LRRC4C: variants seen among roughly 807,000 people sequenced by gnomAD.
The protein encoded by LRRC4C is leucine rich repeat containing 4C, also known as leucine-rich repeat-containing protein 4C.
A neutral mutation model predicts 33.6 loss-of-function variants in LRRC4C; 5 were observed. The observed-to-expected ratio is 0.15, with a 90% CI of 0.08 to 0.31. The LOEUF is 0.31. LRRC4C is among the 10% of genes least tolerant of loss of function. LRRC4C has a pLI of 1.00. For synonymous variants in LRRC4C, 329 were observed against 302.0 expected (o/e 1.09, Z -0.93); for missense variants, 560 against 796.7 (o/e 0.70, Z 3.58).
chr11:40,974,370 G>C (rs1203979130), intron 1 of LRRC4C, among the ~76,000 whole-genome samples: 1 of 152,116 alleles, frequency 6.6e-6, no homozygotes, highest in Admixed American at 6.6e-5. Flanking sequence ...TTTACTGGCT[G>C]ATGCACCTTA....
intron 5 of LRRC4C, among the ~76,000 whole-genome samples, chr11:40,193,783 A>G (rs1390715479): frequency 6.6e-6 from 1 of 152,154 alleles, no homozygotes; most frequent in Non-Finnish European, 1.5e-5. Flanking sequence ...GAGATGAAAA[A>G]CACAGCACGA....
intron 1 of LRRC4C, among the ~76,000 whole-genome samples, chr11:41,353,105 A>C (rs1399539640): frequency 2.6e-5 from 4 of 152,088 alleles, no homozygotes; most frequent in Non-Finnish European, 5.9e-5. Context: ...ACTTTGAAAG[A>C]ATAAATAAGA....
At chr11:41,071,837 G>A (rs1396810850) in intron 1 of LRRC4C, among the ~76,000 whole-genome samples, 1 of 152,186 alleles carries the variant, frequency 6.6e-6, no homozygotes, top group Admixed American at 6.5e-5. Flanking sequence ...CATGGAAGGT[G>A]TCAACATGGC....
At chr11:40,628,899 T>A (rs1405073077) in intron 3 of LRRC4C, among the ~76,000 whole-genome samples, 1 of 152,216 alleles carries the variant, frequency 6.6e-6, no homozygotes, top group African/African-American at 2.4e-5. Flanking sequence ...AATTTTCTTA[T>A]ATAATTATGC....
chr11:40,760,390 T>C (rs1949148839), intron 2 of LRRC4C, among the ~76,000 whole-genome samples: 1 of 144,742 alleles, frequency 6.9e-6, no homozygotes, highest in African/African-American at 2.6e-5. Flanking sequence ...AAGTTGAAAA[T>C]ATTTACTATT....
intron 2 of LRRC4C, among the ~76,000 whole-genome samples, chr11:40,814,751 C>A (rs2135414685): frequency 6.6e-6 from 1 of 151,984 alleles, no homozygotes; most frequent in East Asian, 1.9e-4. Flanking sequence ...TTACAAATCT[C>A]TAGGGCAGGG....
intron 1 of LRRC4C, among the ~76,000 whole-genome samples, chr11:41,145,819 A>G (rs1411202863): frequency 6.6e-6 from 1 of 152,164 alleles, no homozygotes; most frequent in Non-Finnish European, 1.5e-5. Context: ...AGAAAATTTC[A>G]GTGACCTAGA....
chr11:40,873,887 A>G (rs1305270614), intron 2 of LRRC4C, among the ~76,000 whole-genome samples: 2 of 152,210 alleles, frequency 1.3e-5, no homozygotes, highest in Non-Finnish European at 2.9e-5. Context: ...AAAAATCCAA[A>G]GCAATACATT....
At chr11:40,641,531 GC>G (rs1383344759) in intron 3 of LRRC4C, among the ~76,000 whole-genome samples, 1 of 152,112 alleles carries the variant, frequency 6.6e-6, no homozygotes, top group African/African-American at 2.4e-5. Flanking sequence ...CTATTAGGAA[GC>G]CCCCTAAGAA....
intron 1 of LRRC4C, among the ~76,000 whole-genome samples, chr11:41,143,220 A>G (rs1326190482): frequency 8.4e-6 from 1 of 119,346 alleles, no homozygotes; most frequent in Admixed American, 9.2e-5. Context: ...GATAAAAGTG[A>G]AGCAAAACTC....
In LRRC4C at chr11:40,494,916, T is replaced by C. The variant is rs977947992; in HGVS notation, c.-270+153226A>G. Among the ~76,000 whole-genome samples, 9 of 152,236 alleles carry C rather than the reference T, an allele frequency of 5.9e-5. 1 individual carries two copies. The highest frequency in any genetic ancestry group is 1.2e-4 in the Non-Finnish European group (8 of 68,038). ...AACTTGGATATTATCTAAATGTTGT[T>C]AGGTTTTAAATTTTTCCTTCTGTAA... On this transcript the variant is annotated intron_variant, in intron 3 of 6. Transcript: ENST00000528697.
At chr11:41,323,822 G>A (rs1318332372) in intron 1 of LRRC4C, among the ~76,000 whole-genome samples, 1 of 151,950 alleles carries the variant, frequency 6.6e-6, no homozygotes, top group African/African-American at 2.4e-5. Context: ...TGGGAGATGG[G>A]TTTATATCTT....
intron 2 of LRRC4C, among the ~76,000 whole-genome samples, chr11:40,915,850 GA>G (rs1179338066): frequency 1.3e-5 from 2 of 151,630 alleles, no homozygotes; most frequent in Non-Finnish European, 2.9e-5. Context: ...AAATTTACAA[GA>G]AAAAAACAAA....
chr11:40,934,793 G>A (rs536781728), intron 1 of LRRC4C, among the ~76,000 whole-genome samples: 1 of 152,210 alleles, frequency 6.6e-6, no homozygotes, highest in African/African-American at 2.4e-5. Flanking sequence ...GGAATTGACA[G>A]ATTTATATTT....
At chr11:40,716,758 T>C (rs1946743359) in intron 2 of LRRC4C, among the ~76,000 whole-genome samples, 1 of 152,112 alleles carries the variant, frequency 6.6e-6, no homozygotes, top group Non-Finnish European at 1.5e-5. Flanking sequence ...GTCAAACCCA[T>C]TACCCTTATT....
At chr11:40,886,960 A>ATATATACGTGTATG (rs1425669274) in intron 2 of LRRC4C, among the ~76,000 whole-genome samples, 2 of 62,176 alleles carry the variant, frequency 3.2e-5, no homozygotes, top group Non-Finnish European at 6.3e-5. Flanking sequence ...ACGTGTGTGT[A>ATATATACGTGTATG]TATATATACA....
intron 3 of LRRC4C, among the ~76,000 whole-genome samples, chr11:40,428,156 A>ATT (rs147717723): frequency 6.7e-6 from 1 of 150,246 alleles, no homozygotes; most frequent in African/African-American, 2.4e-5. Flanking sequence ...AATTCTTTAA[A>ATT]TTTTTTTTTT....
intron 4 of LRRC4C, among the ~76,000 whole-genome samples, chr11:40,256,674 C>T (rs1163730413): frequency 6.6e-6 from 1 of 152,092 alleles, no homozygotes; most frequent in Non-Finnish European, 1.5e-5. Context: ...AAGGAAGATA[C>T]AATACCCCTT....
At chr11:41,373,699 G>A (rs1221355963) in intron 1 of LRRC4C, among the ~76,000 whole-genome samples, 2 of 152,044 alleles carry the variant, frequency 1.3e-5, no homozygotes, top group South Asian at 2.1e-4. Context: ...TAAAGATACC[G>A]ACAGTGTAAG....
Sources: gnomAD v4.1 joint callset for allele counts (sites outside exome capture counted in the v4.1 genomes callset) on GRCh38, gnomAD v4.1.1 for gene constraint, MANE v1.5 for transcripts, NCBI Gene and HGNC (gene_info 2026-07-23, HGNC 2026-07-21) for gene names.